Variants in GALNT13 observed in about 807,000 individuals in gnomAD.
GALNT13 encodes the protein polypeptide N-acetylgalactosaminyltransferase 13.
In GALNT13, 28 loss-of-function variants were observed where a neutral mutation model predicts 64.2. The ratio of observed to expected loss-of-function variants is 0.44; its 90% CI spans 0.32 to 0.60. GALNT13 has a LOEUF of 0.60. GALNT13 is among the 20% of genes least tolerant of loss of function. The pLI, the probability that GALNT13 is intolerant of heterozygous loss-of-function variation, is 0.05. For synonymous variants in GALNT13, 214 were observed against 224.6 expected (o/e 0.95, Z 0.42); for missense variants, 577 against 669.8 (o/e 0.86, Z 1.53).
the GALNT13 span, among the ~76,000 whole-genome samples, chr2:153,463,588 G>GTAGC: frequency 6.6e-6 from 1 of 152,144 alleles, no homozygotes; most frequent in Non-Finnish European, 1.5e-5. Context: ...TCAGCATGAT[G>GTAGC]TAGCATATGA....
the GALNT13 span, among the ~76,000 whole-genome samples, chr2:153,117,850 G>C: frequency 4.6e-5 from 7 of 151,994 alleles, no homozygotes; most frequent in African/African-American, 1.7e-4. Flanking sequence ...GGCCAGTTAA[G>C]TCCGAAGAGC....
intron 7 of GALNT13, among the ~76,000 whole-genome samples, chr2:154,248,924 A>G (rs980311055): frequency 1.3e-5 from 2 of 152,120 alleles, no homozygotes; most frequent in Non-Finnish European, 2.9e-5. Context: ...ACTTTATATA[A>G]TTATCTTTAT....
At chr2:154,212,687 C>T (rs999022808) in intron 4 of GALNT13, among the ~76,000 whole-genome samples, 37 of 152,126 alleles carry the variant, frequency 2.4e-4, no homozygotes, top group East Asian at 3.9e-4. Flanking sequence ...CTTTCTCCTT[C>T]CTCTCCCTGT....
At chr2:153,127,243 T>C in the GALNT13 span, among the ~76,000 whole-genome samples, 5 of 152,200 alleles carry the variant, frequency 3.3e-5, no homozygotes, top group African/African-American at 9.6e-5. Context: ...TTAGGCTTAC[T>C]AGAGTTCCTG....
the GALNT13 span, among the ~76,000 whole-genome samples, chr2:153,238,433 A>C: frequency 6.6e-6 from 1 of 152,028 alleles, no homozygotes; most frequent in African/African-American, 2.4e-5. Flanking sequence ...CAGTTTCCCC[A>C]GTGTTTTCTC....
chr2:153,138,950 T>A, the GALNT13 span, among the ~76,000 whole-genome samples: 1 of 152,068 alleles, frequency 6.6e-6, no homozygotes, highest in Admixed American at 6.6e-5. Flanking sequence ...TTACCACTTT[T>A]CCTGGAAATA....
At chr2:153,824,427 T>C in the GALNT13 span, among the ~76,000 whole-genome samples, 1 of 152,198 alleles carries the variant, frequency 6.6e-6, no homozygotes, top group East Asian at 1.9e-4. Context: ...TGCACTTGTC[T>C]TTTTGGTAAT....
chr2:153,799,513 C>A, the GALNT13 span, among the ~76,000 whole-genome samples: 2 of 152,104 alleles, frequency 1.3e-5, no homozygotes, highest in Admixed American at 1.3e-4. Flanking sequence ...ATCACCATGT[C>A]AGGTCTCAGA....
At chr2:153,634,262 C>T in the GALNT13 span, among the ~76,000 whole-genome samples, 1 of 152,108 alleles carries the variant, frequency 6.6e-6, no homozygotes, top group Non-Finnish European at 1.5e-5. Flanking sequence ...CAAATTAGAA[C>T]TCTTACCTTT....
chr2:153,995,164 G>A (rs1183341682), intron 3 of GALNT13, among the ~76,000 whole-genome samples: 2 of 151,870 alleles, frequency 1.3e-5, no homozygotes, highest in Non-Finnish European at 2.9e-5. Flanking sequence ...ATAAACATTT[G>A]CATATCTATA....
the GALNT13 span, among the ~76,000 whole-genome samples, chr2:153,106,711 A>C: frequency 6.6e-6 from 1 of 152,282 alleles, no homozygotes; most frequent in African/African-American, 2.4e-5. Flanking sequence ...AGGAGTGAAG[A>C]TGAAGGATAT....
At chr2:153,827,712 C>T in the GALNT13 span, among the ~76,000 whole-genome samples, 2 of 151,814 alleles carry the variant, frequency 1.3e-5, no homozygotes, top group African/African-American at 2.4e-5. Flanking sequence ...CATGTCCTCA[C>T]ATTTCAAAAC....
chr2:153,637,570 G>A, the GALNT13 span, among the ~76,000 whole-genome samples: 2 of 152,130 alleles, frequency 1.3e-5, no homozygotes, highest in African/African-American at 2.4e-5. Context: ...ACAGGGAGGA[G>A]AGAGAAATAT....
At chr2:153,587,897 G>A in the GALNT13 span, among the ~76,000 whole-genome samples, 7 of 152,314 alleles carry the variant, frequency 4.6e-5, no homozygotes, top group Admixed American at 2.6e-4. Flanking sequence ...TAGTAACTTC[G>A]TAGATACAAT....
At chr2:153,678,313 T>C in the GALNT13 span, among the ~76,000 whole-genome samples, 1 of 151,954 alleles carries the variant, frequency 6.6e-6, no homozygotes, top group East Asian at 1.9e-4. Context: ...ATAAATAAAA[T>C]GTGGTACATA....
chr2:154,245,736 C>A, intron 6 of GALNT13, 76 bp from the exon 7 acceptor site: 2 of 939,272 alleles, frequency 2.1e-6, no homozygotes, highest in Non-Finnish European at 3.3e-6. Flanking sequence ...CTCATATCAG[C>A]TATAATCAGT....
At chr2:153,119,817 CTCTGAGAGTTTA>C in the GALNT13 span, among the ~76,000 whole-genome samples, 1 of 152,192 alleles carries the variant, frequency 6.6e-6, no homozygotes, top group Admixed American at 6.5e-5. Flanking sequence ...TCCAGAGTTT[CTCTGAGAGTTTA>C]AGCTTCAGTT....
chr2:153,816,050 C>G, the GALNT13 span, among the ~76,000 whole-genome samples: 1 of 152,052 alleles, frequency 6.6e-6, no homozygotes. Flanking sequence ...AAGGCCAGTT[C>G]CATGTTCTGT....
the GALNT13 span, chr2:153,478,885 G>T: frequency 8.3e-4 from 277 of 335,498 alleles, no homozygotes; most frequent in African/African-American, 5.4e-3. Flanking sequence ...CGGCTGCAGC[G>T]GCGGGGTGGC....
Sources: gnomAD v4.1 joint callset for allele counts (sites outside exome capture counted in the v4.1 genomes callset) on GRCh38, gnomAD v4.1.1 for gene constraint, MANE v1.5 for transcripts, NCBI Gene and HGNC (gene_info 2026-07-23, HGNC 2026-07-21) for gene names.